ELMO1: variants seen among roughly 807,000 people sequenced by gnomAD.
ELMO1 encodes engulfment and cell motility protein 1.
A neutral mutation model predicts 98.9 loss-of-function variants in ELMO1; 26 were observed. The observed-to-expected ratio is 0.26, with a 90% CI of 0.19 to 0.36. The LOEUF is 0.36. Among genes scored for constraint, ELMO1 ranks in the 10% least tolerant of loss-of-function variants. The pLI, the probability that ELMO1 is intolerant of heterozygous loss-of-function variation, is 1.00. For synonymous variants in ELMO1, 346 were observed against 346.0 expected, an observed-to-expected ratio of 1.00 and a Z score of 0.00; for missense variants, 627 against 935.2, an observed-to-expected ratio of 0.67 and a Z score of 4.30.
intron 16 of ELMO1, among the ~76,000 whole-genome samples, chr7:36,972,619 G>C (rs1430413895): frequency 2.0e-5 from 3 of 152,112 alleles, no homozygotes; most frequent in African/African-American, 4.8e-5. Context: ...GTCTGTCTCT[G>C]CATCCAGTGT....
At chr7:37,119,946 G>C (rs1785891634) in intron 14 of ELMO1, among the ~76,000 whole-genome samples, 1 of 152,166 alleles carries the variant, frequency 6.6e-6, no homozygotes, top group Admixed American at 6.5e-5. Flanking sequence ...CATTAATTAT[G>C]TGATTTTTTG....
At chr7:37,377,272 T>C (rs1461854885) in intron 1 of ELMO1, among the ~76,000 whole-genome samples, 1 of 152,098 alleles carries the variant, frequency 6.6e-6, no homozygotes, top group East Asian at 1.9e-4. Flanking sequence ...TCAGGGACCA[T>C]CTGTAGTTAA....
At chr7:37,078,685 G>A (rs1488275169) in intron 15 of ELMO1, among the ~76,000 whole-genome samples, 1 of 152,012 alleles carries the variant, frequency 6.6e-6, no homozygotes, top group Non-Finnish European at 1.5e-5. Context: ...ATAATCACAT[G>A]GAATTACAAG....
At chr7:37,018,364 G>T (rs1584521925) in intron 15 of ELMO1, among the ~76,000 whole-genome samples, 1 of 152,090 alleles carries the variant, frequency 6.6e-6, no homozygotes, top group Non-Finnish European at 1.5e-5. Flanking sequence ...GACCTCAGGT[G>T]ATCTGCCCGC....
At chr7:37,285,608 T>A (rs956443783) in intron 4 of ELMO1, among the ~76,000 whole-genome samples, 5 of 152,224 alleles carry the variant, frequency 3.3e-5, no homozygotes, top group African/African-American at 1.2e-4. Flanking sequence ...ATAATGTGTG[T>A]TCATGCACTA....
intron 15 of ELMO1, among the ~76,000 whole-genome samples, chr7:37,038,129 TAAACA>T (rs1446236578): frequency 6.6e-6 from 1 of 152,148 alleles, no homozygotes; most frequent in East Asian, 1.9e-4. Context: ...CACTGAAAGC[TAAACA>T]AAACAAGCAT....
rs189286170 is a variant in ELMO1 at position 37,426,392 on chromosome 7, C to T, written c.-74+22283G>A. On this transcript the variant is annotated intron_variant, in intron 1 of 21. Coordinates refer to ENST00000310758, the MANE Select transcript of ELMO1 (RefSeq NM_014800.11). ...CTGGTCTCGAACTCCTGACCTCAGG[C>T]GATCCGCCCTACTTGGCCTCTCAAA... Among the ~76,000 whole-genome samples, 15 of 151,992 alleles carry T rather than the reference C, an allele frequency of 9.9e-5. No homozygotes were observed. In the South Asian group the frequency reaches 1.0e-3, roughly 11 times the overall value.
rs78094013 is a variant in ELMO1 at position 36,877,127 on chromosome 7, G to A, written c.1822+883C>T. Among the ~76,000 whole-genome samples the A allele has an allele frequency of 1.1e-3, 168 of 152,314 alleles. 4 individuals are homozygous for A. In the South Asian group the frequency reaches 0.025, roughly 23 times the overall value. On this transcript the variant is annotated intron_variant, in intron 19 of 21. Transcript: ENST00000310758. ...ACTTCCATGGGCCCCAGGGTAACAG[G>A]ACAGAAGGTGTGAGACTCTGGGTAA... is the stretch of plus-strand genomic sequence containing the variant.
chr7:37,261,267 TTA>T (rs1795963786), intron 5 of ELMO1, among the ~76,000 whole-genome samples: 2 of 152,170 alleles, frequency 1.3e-5, no homozygotes, highest in East Asian at 3.8e-4. Context: ...TTCAGGGAAG[TTA>T]GGTAACTTGC....
At chr7:37,099,487 T>A (rs945519523) in intron 14 of ELMO1, among the ~76,000 whole-genome samples, 3 of 152,310 alleles carry the variant, frequency 2.0e-5, no homozygotes, top group Non-Finnish European at 4.4e-5. Flanking sequence ...TTCATCTTTA[T>A]TTTCCCCTTA....
At chr7:37,384,719 CAA>C (rs765407181) in intron 1 of ELMO1, among the ~76,000 whole-genome samples, 12 of 116,048 alleles carry the variant, frequency 1.0e-4, no homozygotes, top group Non-Finnish European at 5.6e-5. Flanking sequence ...GACTCCGTCT[CAA>C]AAAAAAAAAA....
chr7:37,091,303 C>T (rs1052758215), intron 15 of ELMO1, among the ~76,000 whole-genome samples: 1 of 152,078 alleles, frequency 6.6e-6, no homozygotes, highest in Non-Finnish European at 1.5e-5. Context: ...GATGGGGTTT[C>T]ACCATGTTGG....
At position 37,120,650 on chromosome 7, in the gene ELMO1, A is replaced by T. The variant is rs552826664; in HGVS notation, c.1191+12480T>A. 3.9e-5 allele frequency among the ~76,000 whole-genome samples: 6 copies of T among 152,210 alleles called. No homozygotes were observed. In the South Asian group the frequency reaches 1.2e-3, roughly 32 times the overall value. Reference sequence around the variant, plus strand: ...GGGAAGCTCAAACTGGGTGGAGCCCACCTCAGCTCAAGGAGGCCTGCCTGC... The same window carrying T: ...GGGAAGCTCAAACTGGGTGGAGCCCTCCTCAGCTCAAGGAGGCCTGCCTGC... On this transcript the variant is annotated intron_variant, in intron 14 of 21. Transcript: ENST00000310758.
chr7:37,212,944 C>T (rs566777780), intron 12 of ELMO1, among the ~76,000 whole-genome samples: 3 of 152,216 alleles, frequency 2.0e-5, no homozygotes, highest in Non-Finnish European at 4.4e-5. Flanking sequence ...CCCTGGAGAA[C>T]GAAAATTGCT....
At chr7:36,894,259 G>T (rs6955347) in intron 17 of ELMO1, among the ~76,000 whole-genome samples, 2 of 152,166 alleles carry the variant, frequency 1.3e-5, no homozygotes, top group African/African-American at 4.8e-5. Context: ...GTTGCAAGTG[G>T]CATTCCTTGC....
intron 21 of ELMO1, among the ~76,000 whole-genome samples, chr7:36,858,703 G>A (rs1473130375): frequency 1.3e-5 from 2 of 152,164 alleles, no homozygotes; most frequent in Non-Finnish European, 2.9e-5. Context: ...GAGGTAGAGG[G>A]AGATCTGAGT....
chr7:37,165,990 C>A (rs1275672799), intron 13 of ELMO1, among the ~76,000 whole-genome samples: 2 of 151,956 alleles, frequency 1.3e-5, no homozygotes, highest in Admixed American at 1.3e-4. Context: ...GTTGGCCAAG[C>A]TATTAATTAT....
chr7:37,391,137 G>T (rs1458940238), intron 1 of ELMO1, among the ~76,000 whole-genome samples: 2 of 146,722 alleles, frequency 1.4e-5, no homozygotes, highest in Non-Finnish European at 1.5e-5. Flanking sequence ...GTATTTTTGA[G>T]ACAGAGTCTT....
chr7:37,425,564 G>A (rs1804662182), intron 1 of ELMO1, among the ~76,000 whole-genome samples: 1 of 152,246 alleles, frequency 6.6e-6, no homozygotes, highest in African/African-American at 2.4e-5. Flanking sequence ...GGCACTGGAT[G>A]TCTATCCGTT....
Sources: gnomAD v4.1 joint callset for allele counts (sites outside exome capture counted in the v4.1 genomes callset) on GRCh38, gnomAD v4.1.1 for gene constraint, MANE v1.5 for transcripts, NCBI Gene and HGNC (gene_info 2026-07-23, HGNC 2026-07-21) for gene names.